MGAT4C: variants seen among roughly 807,000 people sequenced by gnomAD.
MGAT4C encodes the protein alpha-1,3-mannosyl-glycoprotein 4-beta-N-acetylglucosaminyltransferase C.
MGAT4C carries 19 observed loss-of-function variants against 40.1 expected under a neutral mutation model. The observed-to-expected ratio is 0.47, with a 90% confidence interval of 0.33 to 0.70. MGAT4C has a LOEUF of 0.70. Among genes scored for constraint, MGAT4C ranks in the 30% least tolerant of loss-of-function variants. MGAT4C has a pLI of 0.02. For missense variants in MGAT4C, 491 were observed against 563.2 expected (o/e 0.87, Z 1.30); for synonymous variants, 181 against 187.1 (o/e 0.97, Z 0.27).
chr12:86,504,894 G>T (rs574999393), intron 2 of MGAT4C, among the ~76,000 whole-genome samples: 8 of 152,040 alleles, frequency 5.3e-5, no homozygotes, highest in Non-Finnish European at 1.2e-4. Flanking sequence ...TGATCTGCCC[G>T]CCTCGGCTTC....
chr12:86,404,105 C>T (rs1216465125), intron 3 of MGAT4C, among the ~76,000 whole-genome samples: 1 of 152,062 alleles, frequency 6.6e-6, no homozygotes, highest in African/African-American at 2.4e-5. Context: ...ATTGCTTGAG[C>T]CCAGAAGTTT....
At chr12:86,093,169 C>T (rs1873194988) in intron 1 of MGAT4C, among the ~76,000 whole-genome samples, 1 of 151,986 alleles carries the variant, frequency 6.6e-6, no homozygotes, top group Non-Finnish European at 1.5e-5. Context: ...CAAAGCTGAC[C>T]CTGAGCTTTC....
intron 2 of MGAT4C, among the ~76,000 whole-genome samples, chr12:86,484,983 TACA>T (rs1049096913): frequency 6.6e-6 from 1 of 152,130 alleles, no homozygotes; most frequent in African/African-American, 2.4e-5. Context: ...CAGTTCAAAT[TACA>T]ACATCAAAAA....
chr12:86,774,720 C>T (rs1256581925), intron 1 of MGAT4C, among the ~76,000 whole-genome samples: 1 of 151,876 alleles, frequency 6.6e-6, no homozygotes, highest in Non-Finnish European at 1.5e-5. Flanking sequence ...TTTTAATTTA[C>T]CATTCAAAAG....
intron 1 of MGAT4C, among the ~76,000 whole-genome samples, chr12:86,196,193 C>T (rs1949793716): frequency 6.6e-6 from 1 of 152,194 alleles, no homozygotes; most frequent in African/African-American, 2.4e-5. Context: ...ATTGCTGTAT[C>T]CTCACATGAT....
intron 2 of MGAT4C, among the ~76,000 whole-genome samples, chr12:86,519,366 G>T (rs1054072611): frequency 6.6e-6 from 1 of 152,052 alleles, no homozygotes; most frequent in African/African-American, 2.4e-5. Flanking sequence ...CAATAAATAT[G>T]GGAGTGCAGA....
At chr12:86,066,369 C>A (rs1304645154) in intron 1 of MGAT4C, among the ~76,000 whole-genome samples, 2 of 151,860 alleles carry the variant, frequency 1.3e-5, no homozygotes, top group African/African-American at 2.4e-5. Flanking sequence ...GATATATAGA[C>A]CAAAGGAACA....
intron 4 of MGAT4C, among the ~76,000 whole-genome samples, chr12:86,332,694 T>A (rs1322848779): frequency 6.6e-6 from 1 of 152,092 alleles, no homozygotes; most frequent in Non-Finnish European, 1.5e-5. Flanking sequence ...GCTCTGCATT[T>A]TTTCAGTGTA....
intron 1 of MGAT4C, among the ~76,000 whole-genome samples, chr12:86,817,581 C>T (rs919981543): frequency 2.0e-5 from 3 of 151,424 alleles, no homozygotes; most frequent in African/African-American, 7.3e-5. Context: ...GAGAAATAGG[C>T]CTACTAGTTT....
At chr12:86,559,794 A>AAATATCAGAGCAAAACTAAATTAGAG (rs1312564891) in intron 2 of MGAT4C, among the ~76,000 whole-genome samples, 4 of 152,056 alleles carry the variant, frequency 2.6e-5, no homozygotes, top group African/African-American at 9.6e-5. Flanking sequence ...AAGATTTAAA[A>AAATATCAGAGCAAAACTAAATTAGAG]AATATCAGAG....
chr12:86,617,382 C>A (rs1257033605), intron 2 of MGAT4C, among the ~76,000 whole-genome samples: 1 of 152,122 alleles, frequency 6.6e-6, no homozygotes, highest in South Asian at 2.1e-4. Flanking sequence ...TGAAAGTGTT[C>A]ATTAATATGC....
At chr12:86,053,671 T>C (rs922934799) in intron 1 of MGAT4C, among the ~76,000 whole-genome samples, 4 of 151,978 alleles carry the variant, frequency 2.6e-5, no homozygotes, top group African/African-American at 9.7e-5. Context: ...GAAAAAATTG[T>C]AACCGTGTAT....
At chr12:86,482,482 A>G (rs1957954038) in intron 2 of MGAT4C, among the ~76,000 whole-genome samples, 1 of 152,078 alleles carries the variant, frequency 6.6e-6, no homozygotes, top group African/African-American at 2.4e-5. Context: ...ATCTCTTTAA[A>G]AAATGAAAAA....
chr12:86,064,208 C>T (rs1201632350), intron 1 of MGAT4C, among the ~76,000 whole-genome samples: 1 of 152,114 alleles, frequency 6.6e-6, no homozygotes, highest in Admixed American at 6.6e-5. Flanking sequence ...GTCTCTCAGA[C>T]CACAGTGCAA....
rs549646621 is a variant in MGAT4C, at chr12:86,743,891, A to G, written c.-261-16650T>C. On this transcript the variant is annotated intron_variant, in intron 1 of 7. Coordinates refer to the MGAT4C transcript ENST00000548651. ...ATTAAATTGTTATTAAGTATTAAGT[A>G]GTATGAACGTTGGTATCAGCAGGAA... Among the ~76,000 whole-genome samples, 4 of 151,740 alleles carry G rather than the reference A, an allele frequency of 2.6e-5. No individual in the cohort carries two copies. In the South Asian group the frequency reaches 8.3e-4, roughly 31 times the overall value.
intron 2 of MGAT4C, among the ~76,000 whole-genome samples, chr12:86,488,657 T>C (rs899391867): frequency 2.0e-5 from 3 of 152,230 alleles, no homozygotes; most frequent in Admixed American, 6.5e-5. Context: ...AATTCTAAAA[T>C]CTATGAGGAA....
intron 1 of MGAT4C, among the ~76,000 whole-genome samples, chr12:86,795,246 G>A (rs1209754275): frequency 6.6e-6 from 1 of 151,798 alleles, no homozygotes; most frequent in Non-Finnish European, 1.5e-5. Context: ...TAATAATGGA[G>A]AAATAACAAT....
At chr12:86,395,244 T>A (rs899606166) in intron 3 of MGAT4C, among the ~76,000 whole-genome samples, 1 of 152,146 alleles carries the variant, frequency 6.6e-6, no homozygotes, top group Admixed American at 6.5e-5. Flanking sequence ...TAGACAATGT[T>A]ACTGAATTTT....
At chr12:86,063,166 C>G (rs1894164713) in intron 1 of MGAT4C, among the ~76,000 whole-genome samples, 1 of 152,174 alleles carries the variant, frequency 6.6e-6, no homozygotes, top group Non-Finnish European at 1.5e-5. Flanking sequence ...ATCAGACTAA[C>G]AGCAGATCTC....
Sources: gnomAD v4.1 joint callset for allele counts (sites outside exome capture counted in the v4.1 genomes callset) on GRCh38, gnomAD v4.1.1 for gene constraint, MANE v1.5 for transcripts, NCBI Gene and HGNC (gene_info 2026-07-23, HGNC 2026-07-21) for gene names.